The following IL1RAPL2 variants were observed in gnomAD, a reference collection of about 807,000 sequenced individuals.
IL1RAPL2 encodes X-linked interleukin-1 receptor accessory protein-like 2.
A neutral mutation model predicts 44.1 loss-of-function variants in IL1RAPL2; 3 were observed. That is an observed-to-expected ratio of 0.07 (90% CI 0.03 to 0.18). IL1RAPL2 has a LOEUF of 0.18. Ranked by LOEUF, IL1RAPL2 falls within the 10% of genes least tolerant of loss-of-function variation. The pLI is 1.00. For missense variants in IL1RAPL2, 391 were observed against 496.4 expected, an observed-to-expected ratio of 0.79 and a Z score of 2.02; for synonymous variants, 181 against 178.8, an observed-to-expected ratio of 1.01 and a Z score of -0.10.
At chrX:105,541,123 GAGCAAT>G (rs1260061106) in intron 6 of IL1RAPL2, among the ~76,000 whole-genome samples, 2 of 107,310 alleles carry the variant, frequency 1.9e-5, no homozygotes, top group Non-Finnish European at 3.8e-5. Flanking sequence ...TTTACCCAAA[GAGCAAT>G]AGAAATGGTT....
At chrX:104,768,686 C>T (rs1932594747) in intron 2 of IL1RAPL2, among the ~76,000 whole-genome samples, 1 of 111,262 alleles carries the variant, frequency 9.0e-6, no homozygotes, top group African/African-American at 3.3e-5. Context: ...CAGACCCTTA[C>T]CATTTTAGAC....
chrX:104,964,737 TA>T (rs2147718048), intron 2 of IL1RAPL2, among the ~76,000 whole-genome samples: 1 of 111,854 alleles, frequency 8.9e-6, no homozygotes, highest in Non-Finnish European at 1.9e-5. Context: ...TATGGTGTAC[TA>T]GATGTCCTAG....
intron 2 of IL1RAPL2, among the ~76,000 whole-genome samples, chrX:104,671,076 A>C (rs935505451): frequency 1.2e-4 from 13 of 111,084 alleles, no homozygotes; most frequent in South Asian, 3.8e-4. Flanking sequence ...CAATACTTAA[A>C]TATTCAATGG....
chrX:105,322,169 T>G (rs770571234), intron 5 of IL1RAPL2, among the ~76,000 whole-genome samples: 1 of 112,766 alleles, frequency 8.9e-6, no homozygotes, highest in South Asian at 3.6e-4. Flanking sequence ...CTGTAATCAC[T>G]ATTTGGAATC....
chrX:105,339,903 T>C (rs1261352310), intron 5 of IL1RAPL2, among the ~76,000 whole-genome samples: 1 of 112,133 alleles, frequency 8.9e-6, no homozygotes, highest in Non-Finnish European at 1.9e-5. Flanking sequence ...GCATTGTCTG[T>C]AGAGATATAA....
At chrX:105,029,958 A>G (rs1373673013) in intron 2 of IL1RAPL2, among the ~76,000 whole-genome samples, 3 of 111,522 alleles carry the variant, frequency 2.7e-5, no homozygotes, top group Admixed American at 9.5e-5. Flanking sequence ...CTGGTGTGAG[A>G]TGGTATCTCA....
intron 2 of IL1RAPL2, among the ~76,000 whole-genome samples, chrX:105,142,572 AGTGAAGATACTTTAAATCT>A (rs1411002059): frequency 9.1e-6 from 1 of 110,315 alleles, no homozygotes; most frequent in Non-Finnish European, 1.9e-5. Flanking sequence ...TCGTATCTTC[AGTGAAGATACTTTAAATCT>A]GTGACATTTT....
chrX:105,481,051 G>T (rs1051326858), intron 5 of IL1RAPL2, among the ~76,000 whole-genome samples: 3 of 111,906 alleles, frequency 2.7e-5, no homozygotes, highest in African/African-American at 9.7e-5. Flanking sequence ...TATGTGTGGG[G>T]TGTCCTACAG....
chrX:105,449,350 T>C (rs1007514999), intron 5 of IL1RAPL2, among the ~76,000 whole-genome samples: 6 of 110,832 alleles, frequency 5.4e-5, no homozygotes, highest in Non-Finnish European at 1.9e-5. Flanking sequence ...TTTGGGAGGC[T>C]GAGGTGGGCA....
intron 2 of IL1RAPL2, among the ~76,000 whole-genome samples, chrX:105,034,270 G>T (rs948582066): frequency 8.9e-6 from 1 of 112,320 alleles, no homozygotes; most frequent in African/African-American, 3.2e-5. Context: ...CTGGTGAGGA[G>T]CTGCGTTCCT....
At chrX:105,489,189 G>C (rs1414738184) in intron 6 of IL1RAPL2, among the ~76,000 whole-genome samples, 1 of 111,561 alleles carries the variant, frequency 9.0e-6, no homozygotes, top group African/African-American at 3.3e-5. Flanking sequence ...TGTACAACAC[G>C]TACGTGCAAA....
At position 105,741,127 on chromosome X, in the gene IL1RAPL2, C is replaced by T. The variant is rs1267495662; in HGVS notation, c.1048+436C>T. Among the ~76,000 whole-genome samples, 4 of 111,461 alleles carry T rather than the reference C, an allele frequency of 3.6e-5. No individual in the cohort carries two copies. The Admixed American group carries it at 3.8e-4, about 11-fold the overall frequency. On this transcript the variant is annotated intron_variant, in intron 8 of 10. Coordinates refer to ENST00000372582, the MANE Select transcript of IL1RAPL2 (RefSeq NM_017416.2). Reference sequence around the variant, plus strand: ...ATAATAATCCCATATAATATGCTTACAATTGTTATCATAAAAATTATAAAC... The same window carrying T: ...ATAATAATCCCATATAATATGCTTATAATTGTTATCATAAAAATTATAAAC...
chrX:104,585,226 ATGTGT>A lies in IL1RAPL2; in HGVS notation c.-20+18176_-20+18180del, dbSNP rs1569487893. ...ATTATATATACACATATATGTATAT[ATGTGT>A]ATATATATAATATATGATATATAAT... On this transcript the variant is annotated intron_variant, in intron 1 of 10. Transcript: ENST00000372582. Among the ~76,000 whole-genome samples the A allele has an allele frequency of 1.8e-3, 98 of 54,300 alleles. 9 individuals are homozygous for A. Among genetic ancestry groups the A allele is most frequent in the African/African-American group, 9.0e-3 (92 of 10,265 alleles). 47.2% of individuals were successfully genotyped at this position (54,300 alleles called of 115,157 possible).
intron 2 of IL1RAPL2, among the ~76,000 whole-genome samples, chrX:104,810,206 T>C (rs1426572606): frequency 1.8e-5 from 2 of 109,688 alleles, no homozygotes; most frequent in Admixed American, 9.8e-5. Context: ...TAGGTGGGAA[T>C]TGAACAATGA....
At position 105,747,535 on chromosome X, in the gene IL1RAPL2, TACAC is replaced by T. The variant is rs775778131; in HGVS notation, c.1049-1411_1049-1408del. Among the ~76,000 whole-genome samples, 110 of 67,458 alleles carry T rather than the reference TACAC, an allele frequency of 1.6e-3. No homozygotes were observed. In the East Asian group the frequency reaches 0.03, roughly 19 times the overall value. The allele number at this position is 67,458 out of a possible 115,157, so 58.6% of individuals were successfully genotyped here. On this transcript the variant is annotated intron_variant, in intron 8 of 10. Coordinates refer to ENST00000372582, the MANE Select transcript of IL1RAPL2 (RefSeq NM_017416.2). ...GTGTGTGTATATATATATATATATA[TACAC>T]ACACACACACACATATATACACACA... is the stretch of plus-strand genomic sequence containing the variant.
chrX:104,601,396 G>A (rs902518471), intron 1 of IL1RAPL2, among the ~76,000 whole-genome samples: 5 of 110,023 alleles, frequency 4.5e-5, no homozygotes, highest in Non-Finnish European at 9.5e-5. Flanking sequence ...TTGTCCTTGC[G>A]ATAGTTTGCT....
chrX:104,891,705 G>A (rs1923445749), intron 2 of IL1RAPL2, among the ~76,000 whole-genome samples: 1 of 111,757 alleles, frequency 8.9e-6, no homozygotes, highest in African/African-American at 3.3e-5. Context: ...CTGAAATGAT[G>A]GAGTTTTCTA....
intron 2 of IL1RAPL2, among the ~76,000 whole-genome samples, chrX:104,760,515 G>A (rs1932408732): frequency 9.0e-6 from 1 of 111,558 alleles, no homozygotes; most frequent in Non-Finnish European, 1.9e-5. Flanking sequence ...GTTTTGATTT[G>A]CATTTCTCTG....
intron 4 of IL1RAPL2, among the ~76,000 whole-genome samples, chrX:105,248,156 A>G (rs903973899): frequency 9.0e-6 from 1 of 111,354 alleles, no homozygotes; most frequent in African/African-American, 3.3e-5. Flanking sequence ...GTGTTGGAAC[A>G]TCCTTGTAAA....
Sources: allele counts gnomAD v4.1 joint callset (sites outside exome capture counted in the v4.1 genomes callset), GRCh38; gene constraint gnomAD v4.1.1; transcripts MANE v1.5; gene names NCBI Gene and HGNC (gene_info 2026-07-23, HGNC 2026-07-21).